The following C10orf67 variants were observed in gnomAD, a reference collection of about 807,000 sequenced individuals.
C10orf67 encodes chromosome 10 open reading frame 67.
C10orf67 carries 60 observed loss-of-function variants against 35.6 expected under a neutral mutation model. That is an observed-to-expected ratio of 1.68 (90% CI 1.37 to 2.09). The LOEUF is 2.09. Ranked by LOEUF, C10orf67 falls within the 30% of genes most tolerant of loss-of-function variation. The pLI, the probability that C10orf67 is intolerant of heterozygous loss-of-function variation, is 0.00. For synonymous variants in C10orf67, 167 were observed against 115.8 expected (o/e 1.44, Z -2.84); for missense variants, 474 against 330.2 (o/e 1.44, Z -3.38).
chr10:23,330,072 AT>A (rs1405278733), intron 2 of C10orf67, among the ~76,000 whole-genome samples: 11 of 152,150 alleles, frequency 7.2e-5, no homozygotes, highest in African/African-American at 2.4e-4. Context: ...GTCATACATG[AT>A]TTTTTTAAAT....
At chr10:23,266,904 C>CTTTA (rs930884377) in intron 9 of C10orf67, among the ~76,000 whole-genome samples, 4 of 152,102 alleles carry the variant, frequency 2.6e-5, no homozygotes, top group Non-Finnish European at 4.4e-5. Flanking sequence ...TCTTGCCCCA[C>CTTTA]TTTATTTATT....
At chr10:23,298,129 C>T (rs558665973) in intron 5 of C10orf67, among the ~76,000 whole-genome samples, 2 of 152,242 alleles carry the variant, frequency 1.3e-5, no homozygotes, top group South Asian at 4.1e-4. Flanking sequence ...GTGGTGTGCA[C>T]CTGTAGTCCC....
chr10:23,232,734 C>G (rs1403716573), intron 13 of C10orf67, among the ~76,000 whole-genome samples: 1 of 152,038 alleles, frequency 6.6e-6, no homozygotes, highest in Non-Finnish European at 1.5e-5. Context: ...AGGAAAAGAA[C>G]AAAGAGGATA....
Position 23,250,699 on chromosome 10 carries a change from T to C in C10orf67, c.1201-8A>G. 2.5e-6 allele frequency: 1 copy of C among 398,594 alleles called. No homozygotes were observed. The highest frequency in any genetic ancestry group is 4.4e-6 in the Non-Finnish European group (1 of 225,852). 24.7% of individuals were successfully genotyped at this position (398,594 alleles called of 1,614,324 possible). A position where few individuals can be genotyped will look rare whatever the true frequency, so the allele number is the denominator to read the frequency against. ...ACCATGTTTGTCTTCAACCTTTCAATAGAAAATATAACACAAAGTTAATTA... is the reference window on the plus strand; with the variant it reads ...ACCATGTTTGTCTTCAACCTTTCAACAGAAAATATAACACAAAGTTAATTA... On this transcript the variant is annotated splice_region_variant and splice_polypyrimidine_tract_variant and intron_variant, in intron 10 of 15. Transcript: ENST00000636213.
intron 7 of C10orf67, among the ~76,000 whole-genome samples, chr10:23,288,968 C>A (rs987854539): frequency 6.6e-6 from 1 of 152,146 alleles, no homozygotes; most frequent in Non-Finnish European, 1.5e-5. Context: ...CAGTTTCCAC[C>A]CTCATGGAGC....
At chr10:23,248,426 C>T (rs1425009656) in intron 12 of C10orf67, among the ~76,000 whole-genome samples, 2 of 152,132 alleles carry the variant, frequency 1.3e-5, no homozygotes, top group African/African-American at 4.8e-5. Flanking sequence ...ATTCAATCTT[C>T]CTGGAAATAA....
intron 15 of C10orf67, among the ~76,000 whole-genome samples, chr10:23,218,129 G>T (rs1841478948): frequency 6.6e-6 from 1 of 151,958 alleles, no homozygotes; most frequent in African/African-American, 2.4e-5. Flanking sequence ...TGAGAGACAG[G>T]CTGCTGATCT....
intron 4 of C10orf67, among the ~76,000 whole-genome samples, chr10:23,320,405 A>T (rs1207724609): frequency 6.6e-6 from 1 of 152,222 alleles, no homozygotes; most frequent in African/African-American, 2.4e-5. Flanking sequence ...GTCAGAGACC[A>T]TTCACTGGAA....
chr10:23,335,833 C>T (rs537399683), intron 1 of C10orf67, among the ~76,000 whole-genome samples: 1 of 152,286 alleles, frequency 6.6e-6, no homozygotes, highest in South Asian at 2.1e-4. Context: ...TGTCACATAT[C>T]TACTAGTTAA....
At chr10:23,269,200 A>AGAATTAT (rs1842958076) in intron 8 of C10orf67, among the ~76,000 whole-genome samples, 1 of 152,224 alleles carries the variant, frequency 6.6e-6, no homozygotes, top group Non-Finnish European at 1.5e-5. Context: ...GTTTAAAGCA[A>AGAATTAT]GAATTATGAC....
At chr10:23,320,517 A>C (rs1373744982) in intron 4 of C10orf67, among the ~76,000 whole-genome samples, 36 of 152,230 alleles carry the variant, frequency 2.4e-4, no homozygotes, top group Admixed American at 6.5e-5. Context: ...GTACATGCCC[A>C]GGTGTCCTGA....
At chr10:23,257,592 C>T (rs530620848) in intron 10 of C10orf67, among the ~76,000 whole-genome samples, 18 of 152,202 alleles carry the variant, frequency 1.2e-4, no homozygotes, top group East Asian at 3.9e-4. Flanking sequence ...CCCTTGAGCT[C>T]GGGAGTTCGA....
At chr10:23,224,921 T>A (rs1045294226) in intron 13 of C10orf67, among the ~76,000 whole-genome samples, 8 of 151,858 alleles carry the variant, frequency 5.3e-5, no homozygotes, top group Non-Finnish European at 1.0e-4. Context: ...ATGGGGAGAA[T>A]GGAAACAAGT....
At chr10:23,311,350 C>T (rs1844486183) in intron 4 of C10orf67, among the ~76,000 whole-genome samples, 1 of 152,176 alleles carries the variant, frequency 6.6e-6, no homozygotes. Context: ...ACATCCAGGC[C>T]TGAGGGCCTG....
intron 8 of C10orf67, among the ~76,000 whole-genome samples, chr10:23,268,388 C>T (rs1204223027): frequency 6.6e-6 from 1 of 152,140 alleles, no homozygotes; most frequent in Non-Finnish European, 1.5e-5. Context: ...AAGATTTTTT[C>T]ATAATATGAA....
At chr10:23,310,451 G>C (rs1434178864) in intron 4 of C10orf67, among the ~76,000 whole-genome samples, 1 of 152,208 alleles carries the variant, frequency 6.6e-6, no homozygotes, top group Non-Finnish European at 1.5e-5. Context: ...TAAGGGAACA[G>C]AAACAAGTGT....
intron 15 of C10orf67, among the ~76,000 whole-genome samples, chr10:23,214,695 T>G (rs1841386986): frequency 6.6e-6 from 1 of 152,046 alleles, no homozygotes; most frequent in Admixed American, 6.6e-5. Flanking sequence ...TTTGACAGGA[T>G]TAAGAACAAA....
At position 23,333,081 on chromosome 10, in the gene C10orf67, G is replaced by A. The variant is rs1845544614; in HGVS notation, c.308C>T (p.Ser103Phe). Residue 103 changes from serine (S) to phenylalanine (F), a missense_variant, in exon 2 of 16, where the codon TCT becomes TTT. Ser to Phe is a radical substitution (Grantham distance 155). Transcript: ENST00000636213. Reference sequence around the variant, plus strand: ...ATTTACCTGTGCTAACTTTTGCGTAGATGAACTCAATTCTTTTACTGACAG... The same window carrying A: ...ATTTACCTGTGCTAACTTTTGCGTAAATGAACTCAATTCTTTTACTGACAG... Reference protein sequence around the residue: ...EILSVKELSSSTQKLAQMMKS... With the variant: ...EILSVKELSSFTQKLAQMMKS... 1 of 1,612,236 alleles carries A rather than the reference G, an allele frequency of 6.2e-7. No homozygotes were observed. Among genetic ancestry groups the A allele is most frequent in the Non-Finnish European group, 8.5e-7 (1 of 1,179,168 alleles).
At chr10:23,258,612 AACTATGTCT>A (rs1434638115) in intron 10 of C10orf67, 2 of 155,126 alleles carry the variant, frequency 1.3e-5, no homozygotes, top group Non-Finnish European at 2.9e-5. Flanking sequence ...TCTGAGCAGA[AACTATGTCT>A]AAGGGCTGAA....
Sources: allele counts gnomAD v4.1 joint callset (sites outside exome capture counted in the v4.1 genomes callset), GRCh38; gene constraint gnomAD v4.1.1; transcripts MANE v1.5; gene names NCBI Gene and HGNC (gene_info 2026-07-23, HGNC 2026-07-21).